The following COL26A1 variants were observed in gnomAD, a reference collection of about 807,000 sequenced individuals.
The protein encoded by COL26A1 is collagen type XXVI alpha 1 chain.
COL26A1 carries 41 observed loss-of-function variants against 59.3 expected under a neutral mutation model. The ratio of observed to expected loss-of-function variants is 0.69; its 90% CI spans 0.54 to 0.90. The LOEUF (loss-of-function observed/expected upper bound fraction) is 0.90. Ranked by LOEUF, COL26A1 falls within the 40% of genes least tolerant of loss-of-function variation. The probability of loss-of-function intolerance (pLI) is 0.00; values close to 1 mark genes in which losing one functional copy is unlikely to be tolerated. For synonymous variants in COL26A1, 266 were observed against 256.0 expected (o/e 1.04, Z -0.37); for missense variants, 612 against 602.3 (o/e 1.02, Z -0.17).
chr7:101,362,944 GCCGGT>G lies in COL26A1; in HGVS notation c.-88_-84del. The G allele has an allele frequency of 1.5e-6, 2 of 1,361,098 alleles. No homozygotes were observed. Among genetic ancestry groups the G allele is most frequent in the Non-Finnish European group, 9.7e-7 (1 of 1,026,982 alleles). The allele number at this position is 1,361,098 out of a possible 1,614,324, so 84.3% of individuals were successfully genotyped here. A position where few individuals can be genotyped will look rare whatever the true frequency, so the allele number is the denominator to read the frequency against. ...CCCCGCTCCTCTCGCTGTGCTCCCG[GCCGGT>G]GCCGCGGGTTCGGTCCGGGCGCCGG... On this transcript the variant is annotated 5_prime_UTR_variant, in exon 1 of 13. Transcript: ENST00000313669.
intron 1 of COL26A1, among the ~76,000 whole-genome samples, chr7:101,382,126 G>A (rs1363905088): frequency 6.6e-6 from 1 of 152,152 alleles, no homozygotes; most frequent in Non-Finnish European, 1.5e-5. Flanking sequence ...ATGGCTTACT[G>A]CAGTTTCATA....
At chr7:101,545,984 T>G (rs1230786024) in intron 7 of COL26A1, among the ~76,000 whole-genome samples, 1 of 152,238 alleles carries the variant, frequency 6.6e-6, no homozygotes, top group Non-Finnish European at 1.5e-5. Flanking sequence ...GGCACAGGAT[T>G]TTAGCCACTG....
chr7:101,478,425 A>G (rs1002005424), intron 3 of COL26A1, among the ~76,000 whole-genome samples: 1 of 152,236 alleles, frequency 6.6e-6, no homozygotes, highest in Non-Finnish European at 1.5e-5. Context: ...AAATTAGGTC[A>G]TGACACAGGA....
chr7:101,549,260 CGGCGGGT>C (rs1209353528), intron 9 of COL26A1, 37 bp downstream of exon 9: 3 of 1,481,086 alleles, frequency 2.0e-6, no homozygotes, highest in South Asian at 1.2e-5. Context: ...GTGTGGGAGG[CGGCGGGT>C]GGCGGGTGGC....
At chr7:101,555,735 C>T in intron 11 of COL26A1, 52 bp from the exon 12 acceptor site, 1 of 1,426,716 alleles carries the variant, frequency 7.0e-7, no homozygotes, top group South Asian at 1.2e-5. Context: ...CAGGATGGCC[C>T]TGACCCCTTC....
intron 3 of COL26A1, among the ~76,000 whole-genome samples, chr7:101,450,065 A>C (rs975747924): frequency 6.6e-6 from 1 of 151,270 alleles, no homozygotes; most frequent in Non-Finnish European, 1.5e-5. Context: ...CACAGATTGC[A>C]ATGAGCCTAG....
At chr7:101,487,461 C>T (rs1376508755) in intron 3 of COL26A1, among the ~76,000 whole-genome samples, 9 of 152,156 alleles carry the variant, frequency 5.9e-5, no homozygotes, top group Admixed American at 5.2e-4. Context: ...CCAGTTTCCT[C>T]GGGTTCTTTC....
Position 101,475,966 on chromosome 7 carries a change from T to G in COL26A1, c.385+28179T>G, listed in dbSNP as rs1053594306. ...TCTTCTTTCTTTTTTTCTCCCTCTC[T>G]CTTTGTCTCTCTTTCTTTCTTTCTT... On this transcript the variant is annotated intron_variant, in intron 3 of 12. Coordinates refer to ENST00000313669, the MANE Select transcript of COL26A1 (RefSeq NM_001278563.3). Among the ~76,000 whole-genome samples the G allele has an allele frequency of 3.2e-4, 48 of 150,562 alleles. 2 individuals carry two copies. The highest frequency in any genetic ancestry group is 2.1e-4 in the South Asian group (1 of 4,784).
chr7:101,451,207 A>G (rs1040840546), intron 3 of COL26A1, among the ~76,000 whole-genome samples: 1 of 144,248 alleles, frequency 6.9e-6, no homozygotes. Context: ...AATCTCAATA[A>G]TATATATAAA....
In COL26A1 at chr7:101,439,696, G is replaced by A. The variant is rs192318531; in HGVS notation, c.282-7988G>A. On this transcript the variant is annotated intron_variant, in intron 2 of 12. Coordinates refer to ENST00000313669, the MANE Select transcript of COL26A1 (RefSeq NM_001278563.3). ...AGCCCGTGGGCCATAGAGTGGACTT[G>A]GTGACCACTGGAAGTCATGGATGGA... Among the ~76,000 whole-genome samples the A allele has an allele frequency of 1.7e-3, 262 of 152,200 alleles. 1 individual carries two copies. Among genetic ancestry groups the A allele is most frequent in the Admixed American group, 2.1e-3 (32 of 15,264 alleles).
intron 3 of COL26A1, among the ~76,000 whole-genome samples, chr7:101,481,926 G>A (rs933223816): frequency 3.3e-5 from 5 of 151,918 alleles, no homozygotes; most frequent in African/African-American, 1.2e-4. Flanking sequence ...ACTAGGTAAG[G>A]ATTTAAGTAA....
intron 5 of COL26A1, among the ~76,000 whole-genome samples, chr7:101,543,049 G>T (rs1393490489): frequency 6.6e-6 from 1 of 152,176 alleles, no homozygotes; most frequent in East Asian, 1.9e-4. Context: ...ATTCCAGAGC[G>T]CAGGTGGGGC....
intron 2 of COL26A1, among the ~76,000 whole-genome samples, chr7:101,424,462 A>T (rs991246628): frequency 6.6e-6 from 1 of 151,468 alleles, no homozygotes; most frequent in African/African-American, 2.4e-5. Flanking sequence ...GCCAGGTGTG[A>T]TGATGCACAC....
chr7:101,534,989 C>T (rs997031119), intron 4 of COL26A1, among the ~76,000 whole-genome samples: 10 of 152,230 alleles, frequency 6.6e-5, no homozygotes, highest in Admixed American at 3.3e-4. Flanking sequence ...TCACTGTTCC[C>T]GCCTTACAGA....
chr7:101,489,870 CTT>C (rs1794409628), intron 3 of COL26A1, among the ~76,000 whole-genome samples: 27 of 56,710 alleles, frequency 4.8e-4, no homozygotes, highest in Non-Finnish European at 8.3e-4. Context: ...TTCTTTCTTT[CTT>C]TCTTTCTTTC....
intron 6 of COL26A1, 85 bp downstream of exon 6, chr7:101,544,181 C>T: frequency 6.1e-6 from 6 of 990,398 alleles, no homozygotes; most frequent in South Asian, 5.8e-5. Flanking sequence ...CGAGGTGTCC[C>T]ACGCACCCAC....
chr7:101,555,973 C>A (rs1476112633), intron 12 of COL26A1, 102 bp downstream of exon 12: 4 of 1,021,034 alleles, frequency 3.9e-6, no homozygotes, highest in Non-Finnish European at 5.8e-6. Context: ...GTCTCCCTCC[C>A]TTGCCCCTAG....
intron 4 of COL26A1, among the ~76,000 whole-genome samples, chr7:101,535,523 G>A: frequency 6.6e-6 from 1 of 152,120 alleles, no homozygotes; most frequent in East Asian, 1.9e-4. Flanking sequence ...TCCTCCCTGT[G>A]GTCTTCCCGG....
At chr7:101,421,557 C>G in intron 2 of COL26A1, among the ~76,000 whole-genome samples, 1 of 151,670 alleles carries the variant, frequency 6.6e-6, no homozygotes, top group African/African-American at 2.4e-5. Flanking sequence ...CGCCTGCAAT[C>G]CCAGCTACTG....
Sources: allele counts gnomAD v4.1 joint callset (sites outside exome capture counted in the v4.1 genomes callset), GRCh38; gene constraint gnomAD v4.1.1; transcripts MANE v1.5; gene names NCBI Gene and HGNC (gene_info 2026-07-23, HGNC 2026-07-21).